The following TACR3 variants were observed in gnomAD, a reference collection of about 807,000 sequenced individuals.
TACR3 encodes the protein tachykinin receptor 3, also known as neuromedin-K receptor.
TACR3 carries 34 observed loss-of-function variants against 35.0 expected under a neutral mutation model. The ratio of observed to expected loss-of-function variants is 0.97; its 90% confidence interval spans 0.74 to 1.30. The LOEUF (loss-of-function observed/expected upper bound fraction) is 1.30, where lower values mean the gene tolerates loss of function less well. TACR3 is among the 50% of genes most tolerant of loss of function. TACR3 has a pLI of 0.00. For missense variants in TACR3, 558 were observed against 591.7 expected (o/e 0.94, Z 0.59); for synonymous variants, 233 against 221.1 (o/e 1.05, Z -0.48).
chr4:103,628,234 A>G (rs1724950920), intron 3 of TACR3, among the ~76,000 whole-genome samples: 1 of 152,230 alleles, frequency 6.6e-6, no homozygotes, highest in Non-Finnish European at 1.5e-5. Context: ...CAATTAAAAG[A>G]ACCAGAGAAG....
intron 3 of TACR3, among the ~76,000 whole-genome samples, chr4:103,601,445 T>G (rs1247792628): frequency 1.3e-5 from 2 of 152,184 alleles, no homozygotes; most frequent in African/African-American, 4.8e-5. Context: ...TAGCTGGTTA[T>G]TTTGCTCGAT....
intron 1 of TACR3, 76 bp from the exon 2 acceptor site, chr4:103,658,479 C>T: frequency 1.4e-6 from 2 of 1,415,796 alleles, no homozygotes; most frequent in Non-Finnish European, 2.0e-6. Flanking sequence ...AAAGGTATTT[C>T]AAAGGCGTTT....
intron 3 of TACR3, among the ~76,000 whole-genome samples, chr4:103,595,376 G>C (rs995924488): frequency 1.3e-5 from 2 of 152,110 alleles, no homozygotes; most frequent in East Asian, 3.9e-4. Context: ...CAGGATAAAG[G>C]AGGAAAGTGG....
At chr4:103,648,687 T>C (rs911254942) in intron 3 of TACR3, among the ~76,000 whole-genome samples, 4 of 152,158 alleles carry the variant, frequency 2.6e-5, no homozygotes, top group African/African-American at 4.8e-5. Flanking sequence ...CATTCATCTG[T>C]TGATGGACAT....
intron 1 of TACR3, among the ~76,000 whole-genome samples, chr4:103,688,319 A>C (rs1412551625): frequency 6.6e-6 from 1 of 152,232 alleles, no homozygotes; most frequent in Non-Finnish European, 1.5e-5. Context: ...ACGCATTGCC[A>C]TTCAGGACAC....
chr4:103,619,152 T>C (rs988378371), intron 3 of TACR3, among the ~76,000 whole-genome samples: 1 of 152,160 alleles, frequency 6.6e-6, no homozygotes, highest in African/African-American at 2.4e-5. Flanking sequence ...TAGGGTTTTC[T>C]AGGTATACAA....
At chr4:103,687,971 G>A (rs1722291674) in intron 1 of TACR3, among the ~76,000 whole-genome samples, 1 of 152,148 alleles carries the variant, frequency 6.6e-6, no homozygotes, top group South Asian at 2.1e-4. Flanking sequence ...CAAAGCTGGA[G>A]GCATCACGCT....
At chr4:103,594,181 CTT>C (rs35016258) in intron 3 of TACR3, among the ~76,000 whole-genome samples, 2,453 of 147,312 alleles carry the variant, frequency 0.017, 53 homozygotes, top group African/African-American at 0.058. Context: ...CAAAAATAAC[CTT>C]TTTTTTTTTT....
chr4:103,653,493 TA>T (rs568017206), intron 3 of TACR3, among the ~76,000 whole-genome samples: 3 of 151,106 alleles, frequency 2.0e-5, no homozygotes, highest in South Asian at 4.2e-4. Context: ...GTGAAATGTT[TA>T]AAAAAAAAGC....
chr4:103,614,884 GTTTTTTTTTTTTTT>G (rs71580414), intron 3 of TACR3, among the ~76,000 whole-genome samples: 7 of 72,060 alleles, frequency 9.7e-5, no homozygotes, highest in Admixed American at 1.5e-4. Context: ...TTATGAATGT[GTTTTTTTTTTTTTT>G]TTTTTTTTTT....
At chr4:103,719,022 C>T (rs1432851408) in intron 1 of TACR3, 106 bp downstream of exon 1, 4 of 1,492,906 alleles carry the variant, frequency 2.7e-6, no homozygotes, top group South Asian at 2.4e-5. Context: ...AGTCTCTTTA[C>T]TTTTATAGAC....
intron 3 of TACR3, among the ~76,000 whole-genome samples, chr4:103,602,004 C>T (rs1302095619): frequency 1.3e-5 from 2 of 152,166 alleles, no homozygotes; most frequent in East Asian, 1.9e-4. Flanking sequence ...TCCAATCTCC[C>T]CGTCACTTTC....
At position 103,622,190 on chromosome 4, in the gene TACR3, G is replaced by T. The variant is rs1001084321; in HGVS notation, c.889-30507C>A. On this transcript the variant is annotated intron_variant, in intron 3 of 4. Coordinates refer to ENST00000304883, the MANE Select transcript of TACR3 (RefSeq NM_001059.3). ...AACAAAGAAGTCAAAGGTAACTTTG[G>T]CAAGGGTGGTTTCAGTGGAATGGTG... Among the ~76,000 whole-genome samples the T allele has an allele frequency of 1.4e-4, 22 of 152,158 alleles. 1 individual carries two copies. The highest frequency in any genetic ancestry group is 3.1e-4 in the Non-Finnish European group (21 of 68,038).
intron 1 of TACR3, among the ~76,000 whole-genome samples, chr4:103,703,912 A>C (rs1354270525): frequency 6.6e-6 from 1 of 151,920 alleles, no homozygotes; most frequent in Admixed American, 6.6e-5. Context: ...CATCCTGGCT[A>C]ACACAGTGAA....
intron 3 of TACR3, among the ~76,000 whole-genome samples, chr4:103,647,510 T>C (rs1725488075): frequency 6.6e-6 from 1 of 152,012 alleles, no homozygotes; most frequent in Non-Finnish European, 1.5e-5. Flanking sequence ...ATCATAGTAA[T>C]GTATTGAATA....
intron 3 of TACR3, among the ~76,000 whole-genome samples, chr4:103,606,993 C>A (rs2110294981): frequency 6.6e-6 from 1 of 152,128 alleles, no homozygotes; most frequent in East Asian, 1.9e-4. Context: ...TGAAATACAT[C>A]CCATCAATAC....
rs71580414 is a variant in TACR3, at chr4:103,614,884, G to GTTTTTTTTTTTTTTTTTTTTTTTT, written c.889-23225_889-23202dup. Among the ~76,000 whole-genome samples the GTTTTTTTTTTTTTTTTTTTTTTTT allele has an allele frequency of 5.3e-4, 38 of 72,060 alleles. 4 individuals are homozygous for GTTTTTTTTTTTTTTTTTTTTTTTT. Among genetic ancestry groups the GTTTTTTTTTTTTTTTTTTTTTTTT allele is most frequent in the African/African-American group, 7.2e-4 (12 of 16,632 alleles). The allele number at this position is 72,060 out of a possible 152,430, so 47.3% of individuals were successfully genotyped here. A position where few individuals can be genotyped will look rare whatever the true frequency, so the allele number is the denominator to read the frequency against. ...TATAACCTAAGTTGATTATGAATGT[G>GTTTTTTTTTTTTTTTTTTTTTTTT]TTTTTTTTTTTTTTTTTTTTTTTTT... On this transcript the variant is annotated intron_variant, in intron 3 of 4. Transcript: ENST00000304883.
chr4:103,625,020 TA>T (rs937030633), intron 3 of TACR3, among the ~76,000 whole-genome samples: 3 of 151,002 alleles, frequency 2.0e-5, no homozygotes, highest in Non-Finnish European at 4.4e-5. Flanking sequence ...AGAAGGAGAT[TA>T]AAAAAGAGAG....
At chr4:103,640,880 T>C (rs143205329) in intron 3 of TACR3, among the ~76,000 whole-genome samples, 3,174 of 152,078 alleles carry the variant, frequency 0.021, 68 homozygotes, top group Non-Finnish European at 0.032. Context: ...TAGATTGTTT[T>C]CTTTGCCATG....
Sources: gnomAD v4.1 joint callset for allele counts (sites outside exome capture counted in the v4.1 genomes callset) on GRCh38, gnomAD v4.1.1 for gene constraint, MANE v1.5 for transcripts, NCBI Gene and HGNC (gene_info 2026-07-23, HGNC 2026-07-21) for gene names.